CHMP6: variants seen among roughly 807,000 people sequenced by gnomAD.
CHMP6 encodes chromatin-modifying protein 6.
A neutral mutation model predicts 32.8 loss-of-function variants in CHMP6; 10 were observed. The observed-to-expected ratio is 0.30, with a 90% CI of 0.19 to 0.52. CHMP6 has a LOEUF of 0.52. CHMP6 is among the 20% of genes least tolerant of loss of function. The pLI, the probability that CHMP6 is intolerant of heterozygous loss-of-function variation, is 0.97. For missense variants in CHMP6, 269 were observed against 263.8 expected (o/e 1.02, Z -0.14); for synonymous variants, 123 against 105.8 (o/e 1.16, Z -1.00).
chr17:80,998,669 T>C, intron 7 of CHMP6: 5 of 1,401,884 alleles, frequency 3.6e-6, no homozygotes, highest in Non-Finnish European at 4.6e-6. Context: ...AAATCAGAAC[T>C]GGGGAAAGGC....
chr17:80,997,498 G>T (rs1013677229), intron 6 of CHMP6, among the ~76,000 whole-genome samples, 157 bp downstream of exon 6: 5 of 143,140 alleles, frequency 3.5e-5, no homozygotes, highest in African/African-American at 1.2e-4. Flanking sequence ...AGGTGACTCT[G>T]TTTTCAGGGT....
Position 80,997,043 on chromosome 17 carries a change from G to T in CHMP6, c.385G>T (p.Glu129Ter). ...SIEEVERILD[E>*]TQEAVEYQRQ... ...TGAAGAGGTGGAGAGGATCCTGGAC[G>T]AGACGCAGGAGGCCGTGGAGTACCA... is the stretch of plus-strand genomic sequence containing the variant. The change falls in exon 5 of 8, where the codon GAG becomes TAG. Residue 129 changes from glutamate (E) to a stop codon, truncating the protein, a stop_gained. Coordinates refer to ENST00000325167, the MANE Select transcript of CHMP6 (RefSeq NM_024591.5). LOFTEE classifies it high-confidence loss of function. The T allele has an allele frequency of 6.2e-7, 1 of 1,613,926 alleles. No individual in the cohort carries two copies. Among genetic ancestry groups the T allele is most frequent in the Non-Finnish European group, 8.5e-7 (1 of 1,179,972 alleles).
intron 6 of CHMP6, among the ~76,000 whole-genome samples, chr17:80,997,671 C>A (rs1335122022): frequency 6.6e-6 from 1 of 152,074 alleles, no homozygotes; most frequent in East Asian, 1.9e-4. Flanking sequence ...CACATAGGCC[C>A]TCGCTGCGGG....
chr17:80,992,902 C>T (rs556538475), intron 1 of CHMP6, among the ~76,000 whole-genome samples: 1 of 152,162 alleles, frequency 6.6e-6, no homozygotes, highest in Non-Finnish European at 1.5e-5. Context: ...AAAAGAGAAG[C>T]GAATGTAAAT....
chr17:80,995,160 GC>G, intron 3 of CHMP6, 54 bp downstream of exon 3: 5 of 1,511,654 alleles, frequency 3.3e-6, no homozygotes, highest in Non-Finnish European at 4.5e-6. Context: ...AGGCAGCTCC[GC>G]CCGGCTGCGT....
At position 80,998,380 on chromosome 17, in the gene CHMP6, G is replaced by A; in HGVS notation, c.510G>A (p.Leu170=). The change falls in exon 7 of 8, where the codon CTG becomes CTA. Residue 170 remains leucine (L), a synonymous_variant. Coordinates refer to ENST00000325167, the MANE Select transcript of CHMP6 (RefSeq NM_024591.5). ...GCTTCTTGCAGGAACAAATAGAGCT[G>A]CCAGAGGTTCCCTCCGAGCCCCTTC... ...LSAITQEQIE[L]PEVPSEPLPE... The A allele has an allele frequency of 6.2e-7, 1 of 1,614,228 alleles. No individual in the cohort carries two copies. Among genetic ancestry groups the A allele is most frequent in the Non-Finnish European group, 8.5e-7 (1 of 1,180,024 alleles).
At chr17:80,998,449 G>C (rs768784343) in intron 7 of CHMP6, 29 bp downstream of exon 7, 1 of 1,614,076 alleles carries the variant, frequency 6.2e-7, no homozygotes, top group Admixed American at 1.7e-5. Context: ...CTTTTGAATG[G>C]TTGGAATTCG....
chr17:80,995,040 G>A lies in CHMP6; in HGVS notation c.195G>A (p.Lys65=), dbSNP rs2069625395. 6.3e-7 allele frequency: 1 copy of A among 1,599,944 alleles called. No individual in the cohort carries two copies. The highest frequency in any genetic ancestry group is 8.5e-7 in the Non-Finnish European group (1 of 1,175,126). ...GCAGACGGGCCAAGCTGCTGCTCAA[G>A]AAGAAGCGATACCAGGAGCAGCTCC... The part of the protein sequence containing the change: ...GRKERAKLLL[K]KKRYQEQLLD... Residue 65 remains lysine, a synonymous_variant, in exon 3 of 8, where the codon AAG becomes AAA. Coordinates refer to ENST00000325167, the MANE Select transcript of CHMP6 (RefSeq NM_024591.5).
rs953305044 is a variant in CHMP6 at position 80,998,739 on chromosome 17, A to G, written c.550+319A>G. Reference sequence around the variant, plus strand: ...GCCCAGGATTAGCCCTCAGCCAGGGATGGCTCTCCCCGTGGCACCATTCAG... The same window carrying G: ...GCCCAGGATTAGCCCTCAGCCAGGGGTGGCTCTCCCCGTGGCACCATTCAG... On this transcript the variant is annotated intron_variant, in intron 7 of 7. Coordinates refer to ENST00000325167, the MANE Select transcript of CHMP6 (RefSeq NM_024591.5). 6.2e-6 allele frequency: 8 copies of G among 1,287,798 alleles called. No individual in the cohort carries two copies. The Admixed American group carries it at 2.2e-4, about 35-fold the overall frequency. 79.8% of individuals were successfully genotyped at this position (1,287,798 alleles called of 1,614,324 possible). A position where few individuals can be genotyped will look rare whatever the true frequency, so the allele number is the denominator to read the frequency against.
intron 7 of CHMP6, chr17:80,998,696 G>A: frequency 7.2e-7 from 1 of 1,379,520 alleles, no homozygotes. Flanking sequence ...AGCAGCACCA[G>A]CTCATTCCCA....
At position 80,998,240 on chromosome 17, in the gene CHMP6, G is replaced by A. The variant is rs143106846; in HGVS notation, c.496-126G>A. 586 of 1,112,954 alleles carry A rather than the reference G, an allele frequency of 5.3e-4. 5 individuals carry two copies. In the East Asian group the frequency reaches 0.011, roughly 20 times the overall value. 68.9% of individuals were successfully genotyped at this position (1,112,954 alleles called of 1,614,324 possible). A position where few individuals can be genotyped will look rare whatever the true frequency, so the allele number is the denominator to read the frequency against. On this transcript the variant is annotated intron_variant, in intron 6 of 7. Coordinates refer to ENST00000325167, the MANE Select transcript of CHMP6 (RefSeq NM_024591.5). ...CAGACTTGGGTCTTCTGAGCAGCAC[G>A]TTCCTGTCCGCTTTAACTCCGGCTG...
In CHMP6 at chr17:80,996,957, CTA is replaced by C; in HGVS notation, c.349-49_349-48del. On this transcript the variant is annotated intron_variant, in intron 4 of 7. Coordinates refer to ENST00000325167, the MANE Select transcript of CHMP6 (RefSeq NM_024591.5). Reference sequence around the variant, plus strand: ...AGCCCAGGAGGCCTCTGTCGGGGGTCTACCATTGGCCTCGCGACAGGGGTCAA... The same window carrying C: ...AGCCCAGGAGGCCTCTGTCGGGGGTCCCATTGGCCTCGCGACAGGGGTCAA... The C allele has an allele frequency of 3.2e-6, 5 of 1,572,626 alleles. No individual in the cohort carries two copies. In the South Asian group the frequency reaches 4.6e-5, roughly 14 times the overall value.
intron 7 of CHMP6, among the ~76,000 whole-genome samples, 192 bp from the exon 8 acceptor site, chr17:80,998,906 C>T (rs1284305658): frequency 6.6e-6 from 1 of 152,204 alleles, no homozygotes; most frequent in Non-Finnish European, 1.5e-5. Context: ...CCCACTGTCC[C>T]GTGTCCCTGG....
intron 1 of CHMP6, among the ~76,000 whole-genome samples, chr17:80,993,314 C>T (rs755020139): frequency 3.3e-5 from 5 of 152,026 alleles, no homozygotes; most frequent in Non-Finnish European, 7.4e-5. Context: ...CCCACGTGGC[C>T]TGTGACCCTC....
chr17:80,991,961 G>C lies in CHMP6; in HGVS notation c.43G>C (p.Glu15Gln). ...FGRKKQSRVTEQDKAILQLKQ... is the reference protein window; with the variant it reads ...FGRKKQSRVTQQDKAILQLKQ... The stretch of plus-strand genomic sequence containing the variant: ...CCGCAAGAAGCAGAGCCGCGTCACG[G>C]AGCAGGACAAGGCCATCCTGGTGAG... The change falls in exon 1 of 8, where the codon GAG becomes CAG. Residue 15 changes from glutamate to glutamine, a missense_variant. By Grantham distance (29) the Glu-to-Gln change is conservative. Transcript: ENST00000325167. The C allele has an allele frequency of 1.4e-6, 2 of 1,462,304 alleles. No individual in the cohort carries two copies. The highest frequency in any genetic ancestry group is 1.3e-5 in the South Asian group (1 of 77,646). The allele number at this position is 1,462,304 out of a possible 1,614,324, so 90.6% of individuals were successfully genotyped here. A position where few individuals can be genotyped will look rare whatever the true frequency, so the allele number is the denominator to read the frequency against.
rs750905562 is a variant in CHMP6, at chr17:80,994,573, CTT to C, written c.64-7_64-6del. On this transcript the variant is annotated splice_polypyrimidine_tract_variant and splice_region_variant and intron_variant, in intron 1 of 7. Transcript: ENST00000325167. ...CTCGGTGACGCCAGGCCCTCTCTCT[CTT>C]GGCAGCAACTGAAGCAGCAGCGGGA... 8.8e-5 allele frequency: 137 copies of C among 1,560,736 alleles called. No individual in the cohort carries two copies. Among genetic ancestry groups the C allele is most frequent in the East Asian group, 5.7e-4 (24 of 42,464 alleles).
At chr17:80,996,439 C>T (rs1464655468) in intron 4 of CHMP6, among the ~76,000 whole-genome samples, 1 of 152,188 alleles carries the variant, frequency 6.6e-6, no homozygotes, top group East Asian at 1.9e-4. Context: ...CATCACACTC[C>T]TGACATGGGG....
In CHMP6 at chr17:80,991,923, G is replaced by C; in HGVS notation, c.5G>C (p.Gly2Ala). 6.8e-7 allele frequency: 1 copy of C among 1,468,308 alleles called. No individual in the cohort carries two copies. The highest frequency in any genetic ancestry group is 9.1e-7 in the Non-Finnish European group (1 of 1,104,444). 91.0% of individuals were successfully genotyped at this position (1,468,308 alleles called of 1,614,324 possible). Residue 2 changes from glycine (G) to alanine (A), a missense_variant, in exon 1 of 8, where the codon GGT becomes GCT. Transcript: ENST00000325167. Reference protein sequence around the residue: MGNLFGRKKQSR... With the variant: MANLFGRKKQSR... ...GGGCCAGGGGCGGGCGCCGCCATGG[G>C]TAACCTGTTCGGCCGCAAGAAGCAG...
At chr17:80,999,031 G>C in intron 7 of CHMP6, 67 bp from the exon 8 acceptor site, 1 of 1,591,632 alleles carries the variant, frequency 6.3e-7, no homozygotes, top group Non-Finnish European at 8.6e-7. Flanking sequence ...CTGTGGCCTC[G>C]TCCCTCTCTG....
Sources: allele counts gnomAD v4.1 joint callset (sites outside exome capture counted in the v4.1 genomes callset), GRCh38; gene constraint gnomAD v4.1.1; transcripts MANE v1.5; gene names NCBI Gene and HGNC (gene_info 2026-07-23, HGNC 2026-07-21).